Variants in CRLF3 observed in about 807,000 individuals in gnomAD.
CRLF3 encodes cytokine receptor like factor 3, also known as cytokine receptor-like factor 3.
Under a neutral mutation model 55.0 loss-of-function variants are expected in CRLF3, and 33 were observed. The ratio of observed to expected loss-of-function variants is 0.60; its 90% confidence interval spans 0.46 to 0.80. The LOEUF is 0.80. Ranked by LOEUF, CRLF3 falls within the 30% of genes least tolerant of loss-of-function variation. CRLF3 has a pLI of 0.00. For synonymous variants in CRLF3, 238 were observed against 196.8 expected (o/e 1.21, Z -1.75); for missense variants, 494 against 538.4 (o/e 0.92, Z 0.82).
chr17:30,810,571 T>A (rs983201052), intron 1 of CRLF3, among the ~76,000 whole-genome samples: 7 of 151,050 alleles, frequency 4.6e-5, no homozygotes, highest in African/African-American at 7.3e-5. Context: ...CAAAAAAAAA[T>A]AATAAATAAA....
At chr17:30,819,595 A>G (rs945273827) in intron 1 of CRLF3, among the ~76,000 whole-genome samples, 2 of 152,188 alleles carry the variant, frequency 1.3e-5, no homozygotes, top group Non-Finnish European at 2.9e-5. Context: ...CTCCTGGCTC[A>G]GCCTCCTGAG....
rs139989806 is a variant in CRLF3, at chr17:30,820,988, G to A, written c.129+3535C>T. Among the ~76,000 whole-genome samples the A allele has an allele frequency of 9.1e-3, 1,382 of 151,918 alleles. 10 individuals are homozygous for A. The highest frequency in any genetic ancestry group is 0.012 in the Non-Finnish European group (785 of 67,962). Reference sequence around the variant, plus strand: ...GAGGATGGCTTGAGCCTAGGAAGTCGAGGCTGCAGTGAGTTCTGATCATGC... The same window carrying A: ...GAGGATGGCTTGAGCCTAGGAAGTCAAGGCTGCAGTGAGTTCTGATCATGC... On this transcript the variant is annotated intron_variant, in intron 1 of 7. Coordinates refer to ENST00000324238, the MANE Select transcript of CRLF3 (RefSeq NM_015986.4).
chr17:30,784,258 C>A lies in CRLF3; in HGVS notation c.1258G>T (p.Asp420Tyr). 1 of 1,613,498 alleles carries A rather than the reference C, an allele frequency of 6.2e-7. No homozygotes were observed. Among genetic ancestry groups the A allele is most frequent in the Non-Finnish European group, 8.5e-7 (1 of 1,179,424 alleles). ...NREVVFDWLL[D>Y]QSCGSLYFGC... ...AAGTAAAGAGAACCACAAGACTGAT[C>A]AAGTAACCAGTCAAAAACCACTTCT... The change falls in exon 8 of 8, where the codon GAT (aspartate) becomes TAT (tyrosine). Residue 420 changes from aspartate (D) to tyrosine (Y), a missense_variant. Transcript: ENST00000324238.
intron 1 of CRLF3, among the ~76,000 whole-genome samples, chr17:30,804,609 C>T (rs959675933): frequency 2.0e-5 from 3 of 152,166 alleles, no homozygotes; most frequent in South Asian, 2.1e-4. Flanking sequence ...GCTTATTTCA[C>T]TTAGCATAGT....
chr17:30,808,277 A>AT lies in CRLF3; in HGVS notation c.130-4170dup, dbSNP rs71138901. Among the ~76,000 whole-genome samples, 84 of 54,886 alleles carry AT rather than the reference A, an allele frequency of 1.5e-3. 4 individuals carry two copies. The highest frequency in any genetic ancestry group is 7.1e-3 in the East Asian group (13 of 1,828). 36.0% of individuals were successfully genotyped at this position (54,886 alleles called of 152,430 possible). ...TTCCTCCTCCTCCCCTAGAACCTAT[A>AT]TTTTTTTTTTTTTTTTTTTTTTTTT... On this transcript the variant is annotated intron_variant, in intron 1 of 7. Transcript: ENST00000324238.
At chr17:30,815,084 C>CTTT (rs541526248) in intron 1 of CRLF3, among the ~76,000 whole-genome samples, 35 of 107,510 alleles carry the variant, frequency 3.3e-4, no homozygotes, top group African/African-American at 4.2e-4. Context: ...TTCTTTCTTT[C>CTTT]TTTTTTTTTT....
In CRLF3 at chr17:30,784,506, T is replaced by C. The variant is rs113727899; in HGVS notation, c.1073-63A>G. 2,469 of 1,376,372 alleles carry C rather than the reference T, an allele frequency of 1.8e-3. 43 individuals are homozygous for C. The African/African-American group carries it at 0.032, about 18-fold the overall frequency. The allele number at this position is 1,376,372 out of a possible 1,614,324, so 85.3% of individuals were successfully genotyped here. ...AATAACTAAGAGATCTGAAATAGTTTCTAGATTACTGGTAACACAGCTCAT... is the reference window on the plus strand; with the variant it reads ...AATAACTAAGAGATCTGAAATAGTTCCTAGATTACTGGTAACACAGCTCAT... On this transcript the variant is annotated intron_variant, in intron 7 of 7. Transcript: ENST00000324238.
intron 2 of CRLF3, among the ~76,000 whole-genome samples, chr17:30,801,588 G>A (rs371186757): frequency 3.3e-5 from 5 of 151,966 alleles, no homozygotes; most frequent in Admixed American, 6.6e-5. Context: ...CCACCACCAC[G>A]TCTGGCTAAA....
intron 1 of CRLF3, among the ~76,000 whole-genome samples, chr17:30,816,728 A>T (rs1904818167): frequency 6.6e-6 from 1 of 151,742 alleles, no homozygotes; most frequent in Non-Finnish European, 1.5e-5. Flanking sequence ...TGGGCTCGAG[A>T]TCTTCCCGTC....
At chr17:30,794,146 T>C (rs1444480017) in intron 4 of CRLF3, among the ~76,000 whole-genome samples, 2 of 152,192 alleles carry the variant, frequency 1.3e-5, no homozygotes, top group Non-Finnish European at 2.9e-5. Flanking sequence ...CCTTCTTTTC[T>C]TTATTGAACC....
At chr17:30,787,100 T>C (rs1971664679) in intron 6 of CRLF3, among the ~76,000 whole-genome samples, 1 of 152,194 alleles carries the variant, frequency 6.6e-6, no homozygotes, top group Non-Finnish European at 1.5e-5. Context: ...CCTCCCAAAG[T>C]GCTGGGATTA....
At chr17:30,810,925 T>C (rs987440211) in intron 1 of CRLF3, among the ~76,000 whole-genome samples, 1 of 151,590 alleles carries the variant, frequency 6.6e-6, no homozygotes, top group East Asian at 1.9e-4. Flanking sequence ...CTGTCTCTAG[T>C]AAAAAATACA....
chr17:30,805,020 T>C (rs1387835025), intron 1 of CRLF3, among the ~76,000 whole-genome samples: 2 of 151,992 alleles, frequency 1.3e-5, no homozygotes, highest in East Asian at 1.9e-4. Context: ...CTGTATCTAC[T>C]AAAAATACAA....
At chr17:30,803,097 C>T (rs1273852506) in intron 2 of CRLF3, among the ~76,000 whole-genome samples, 1 of 151,140 alleles carries the variant, frequency 6.6e-6, no homozygotes, top group African/African-American at 2.4e-5. Context: ...CCAGGGAGGT[C>T]AAGACTGCAG....
chr17:30,800,773 A>ATT (rs562388803), intron 2 of CRLF3, among the ~76,000 whole-genome samples: 21 of 128,750 alleles, frequency 1.6e-4, no homozygotes, highest in South Asian at 4.9e-4. Flanking sequence ...TGCCTGGCTA[A>ATT]TTTTTTTTTT....
chr17:30,807,672 A>G (rs868546787), intron 1 of CRLF3, among the ~76,000 whole-genome samples: 26 of 151,846 alleles, frequency 1.7e-4, no homozygotes, highest in Middle Eastern at 3.4e-3. Context: ...AGCTGAGATT[A>G]CAGGCGCATG....
rs548483987 is a variant in CRLF3, at chr17:30,785,725, C to T, written c.1072+194G>A. ...TGGGCCCAAGAATTTCAGGCTGCAG[C>T]GGGCTACGATCATGCCACTGTACTC... On this transcript the variant is annotated intron_variant, in intron 7 of 7. Transcript: ENST00000324238. Among the ~76,000 whole-genome samples the T allele has an allele frequency of 2.7e-5, 4 of 150,462 alleles. No individual in the cohort carries two copies. In the South Asian group the frequency reaches 6.3e-4, roughly 24 times the overall value.
At chr17:30,823,930 C>G (rs1271274033) in intron 1 of CRLF3, among the ~76,000 whole-genome samples, 2 of 152,088 alleles carry the variant, frequency 1.3e-5, no homozygotes, top group South Asian at 2.1e-4. Context: ...CCTTCTAGAA[C>G]AGGATTACTC....
chr17:30,789,949 C>T lies in CRLF3; in HGVS notation c.959+2491G>A, dbSNP rs191726881. ...AAGGGGTATGTAAGTACAGAAAACT[C>T]ATGATTACCTGGGGAATAGTTAAAT... On this transcript the variant is annotated intron_variant, in intron 6 of 7. Transcript: ENST00000324238. Among the ~76,000 whole-genome samples the T allele has an allele frequency of 4.6e-5, 7 of 151,748 alleles. 1 individual carries two copies. The highest frequency in any genetic ancestry group is 3.9e-4 in the Admixed American group (6 of 15,228).
Sources: gnomAD v4.1 joint callset for allele counts (sites outside exome capture counted in the v4.1 genomes callset) on GRCh38, gnomAD v4.1.1 for gene constraint, MANE v1.5 for transcripts, NCBI Gene and HGNC (gene_info 2026-07-23, HGNC 2026-07-21) for gene names.